The following CD46 variants were observed in gnomAD, a reference collection of about 807,000 sequenced individuals.
CD46 encodes the protein membrane cofactor protein.
In CD46, 30 loss-of-function variants were observed where a neutral mutation model predicts 53.3. The ratio of observed to expected loss-of-function variants is 0.56; its 90% CI spans 0.42 to 0.76. CD46 has a LOEUF of 0.76. Among genes scored for constraint, CD46 ranks in the 30% least tolerant of loss-of-function variants. The pLI, the probability that CD46 is intolerant of heterozygous loss-of-function variation, is 0.00. For synonymous variants in CD46, 142 were observed against 152.0 expected (o/e 0.93, Z 0.48); for missense variants, 409 against 463.0 (o/e 0.88, Z 1.07).
chr1:207,779,710 A>G (rs1278529655), intron 8 of CD46, among the ~76,000 whole-genome samples: 3 of 152,080 alleles, frequency 2.0e-5, no homozygotes, highest in African/African-American at 7.2e-5. Context: ...ATTCTGGTGT[A>G]TATAATGAGA....
At chr1:207,777,533 T>G (rs1329095299) in intron 8 of CD46, among the ~76,000 whole-genome samples, 1 of 152,160 alleles carries the variant, frequency 6.6e-6, no homozygotes, top group Non-Finnish European at 1.5e-5. Flanking sequence ...GTTTCCTTCT[T>G]TGTGTTCATT....
rs1656948038 is a variant in CD46 at position 207,767,132 on chromosome 1, A to G, written c.793A>G (p.Ser265Gly). ...ECDKGFYLDG[S>G]DTIVCDSNST... The stretch of plus-strand genomic sequence containing the variant: ...CGATAAGGGTTTTTACCTCGATGGC[A>G]GCGACACAATTGTCTGTGACAGTAA... Residue 265 changes from serine (S) to glycine (G), a missense_variant, in exon 6 of 13, where the codon AGC (serine) becomes GGC (glycine). Ser to Gly is a moderately conservative substitution (Grantham distance 56). Coordinates refer to ENST00000367042, the MANE Select transcript of CD46 (RefSeq NM_172351.3). 1 of 1,613,970 alleles carries G rather than the reference A, an allele frequency of 6.2e-7. No individual in the cohort carries two copies. The highest frequency in any genetic ancestry group is 8.5e-7 in the Non-Finnish European group (1 of 1,179,816).
chr1:207,780,671 C>T (rs933172758), intron 8 of CD46, among the ~76,000 whole-genome samples: 1 of 152,122 alleles, frequency 6.6e-6, no homozygotes, highest in African/African-American at 2.4e-5. Flanking sequence ...TTCCCACCAG[C>T]AGTGGGAACC....
At chr1:207,766,888 A>T (rs1656910924) in intron 5 of CD46, 125 bp from the exon 6 acceptor site, 2 of 731,488 alleles carry the variant, frequency 2.7e-6, no homozygotes, top group South Asian at 3.3e-5. Flanking sequence ...AAAGTCTTTT[A>T]AAAAATGTTT....
chr1:207,759,590 G>T, intron 3 of CD46, 49 bp from the exon 4 acceptor site: 1 of 989,918 alleles, frequency 1.0e-6, no homozygotes, highest in Non-Finnish European at 1.6e-6. Flanking sequence ...TATTATGTGT[G>T]TCTTATTAAT....
At chr1:207,773,220 T>C (rs534375153) in intron 8 of CD46, among the ~76,000 whole-genome samples, 12 of 152,334 alleles carry the variant, frequency 7.9e-5, no homozygotes, top group African/African-American at 2.9e-4. Context: ...TGGTAGTTTG[T>C]ATTTCTGTGG....
Position 207,759,683 on chromosome 1 carries a change from G to A in CD46, c.434G>A (p.Gly145Glu). The change falls in exon 4 of 13, where the codon GGA (glycine) becomes GAA (glutamate). Residue 145 changes from glycine (G) to glutamate (E), a missense_variant. By Grantham distance (98) the Gly-to-Glu change is moderately conservative (BLOSUM62 -2). Coordinates refer to ENST00000367042, the MANE Select transcript of CD46 (RefSeq NM_172351.3). The stretch of plus-strand genomic sequence containing the variant: ...GAAATTCTATATTGTGAACTTAAAG[G>A]ATCAGTAGCAATTTGGAGCGGTAAG... ...GEEILYCELK[G>E]SVAIWSGKPP... 6.2e-7 allele frequency: 1 copy of A among 1,606,580 alleles called. No homozygotes were observed. The highest frequency in any genetic ancestry group is 8.5e-7 in the Non-Finnish European group (1 of 1,173,456).
At chr1:207,762,095 T>A in intron 5 of CD46, among the ~76,000 whole-genome samples, 1 of 152,116 alleles carries the variant, frequency 6.6e-6, no homozygotes, top group East Asian at 1.9e-4. Flanking sequence ...CACAATAGAA[T>A]GAAAGCAGAA....
chr1:207,758,270 A>T (rs1349107468), intron 3 of CD46, among the ~76,000 whole-genome samples: 1 of 152,166 alleles, frequency 6.6e-6, no homozygotes, highest in Non-Finnish European at 1.5e-5. Context: ...ATAACAGAAT[A>T]CTTGAGGCTA....
chr1:207,757,131 C>A lies in CD46; in HGVS notation c.215C>A (p.Pro72His). The A allele has an allele frequency of 6.2e-7, 1 of 1,613,828 alleles. No individual in the cohort carries two copies. Among genetic ancestry groups the A allele is most frequent in the South Asian group, 1.1e-5 (1 of 91,076 alleles). ...YKCKKGYFYI[P>H]PLATHTICDR... The stretch of plus-strand genomic sequence containing the variant: ...TGTAAAAAAGGATACTTCTATATAC[C>A]TCCTCTTGCCACCCATACTATTTGT... Residue 72 changes from proline (P) to histidine (H), a missense_variant, in exon 2 of 13, where the codon CCT (proline) becomes CAT (histidine). Physicochemically the swap from Pro to His is moderately conservative, Grantham distance 77 (BLOSUM62 -2). Coordinates refer to ENST00000367042, the MANE Select transcript of CD46 (RefSeq NM_172351.3).
Position 207,756,254 on chromosome 1 carries a change from G to A in CD46, c.98-760G>A, listed in dbSNP as rs187473428. Among the ~76,000 whole-genome samples, 742 of 152,262 alleles carry A rather than the reference G, an allele frequency of 4.9e-3. 3 individuals are homozygous for A. Among genetic ancestry groups the A allele is most frequent in the Non-Finnish European group, 7.0e-3 (478 of 68,020 alleles). On this transcript the variant is annotated intron_variant, in intron 1 of 12. Coordinates refer to ENST00000367042, the MANE Select transcript of CD46 (RefSeq NM_172351.3). Reference sequence around the variant, plus strand: ...CAGTGTGGCAGAGTAGGGCAAAGGAGGCAAGAAAGAAGGAAGAGGATTAAA... The same window carrying A: ...CAGTGTGGCAGAGTAGGGCAAAGGAAGCAAGAAAGAAGGAAGAGGATTAAA...
chr1:207,780,048 T>G (rs754601034), intron 8 of CD46, among the ~76,000 whole-genome samples: 1 of 151,778 alleles, frequency 6.6e-6, no homozygotes, highest in Non-Finnish European at 1.5e-5. Flanking sequence ...TTGACCATTT[T>G]AAGTTTACAA....
At chr1:207,765,416 G>A (rs1656731606) in intron 5 of CD46, among the ~76,000 whole-genome samples, 1 of 152,026 alleles carries the variant, frequency 6.6e-6, no homozygotes, top group Admixed American at 6.6e-5. Flanking sequence ...GTACTTAGTG[G>A]TTAAAAAAAC....
At chr1:207,761,104 C>G (rs1656144167) in intron 4 of CD46, 145 bp from the exon 5 acceptor site, 2 of 610,156 alleles carry the variant, frequency 3.3e-6, no homozygotes, top group Admixed American at 5.8e-5. Context: ...TATATTTGCT[C>G]ATAGAAACCT....
Position 207,757,105 on chromosome 1 carries a change from G to A in CD46, c.189G>A (p.Lys63=). The part of the protein sequence containing the change: ...YYEIGERVDY[K]CKKGYFYIPP... ...AGATTGGTGAACGAGTAGATTATAAGTGTAAAAAAGGATACTTCTATATAC... is the reference window on the plus strand; with the variant it reads ...AGATTGGTGAACGAGTAGATTATAAATGTAAAAAAGGATACTTCTATATAC... Residue 63 remains lysine (K), a synonymous_variant, in exon 2 of 13, where the codon AAG becomes AAA. Transcript: ENST00000367042. The A allele has an allele frequency of 6.2e-7, 1 of 1,613,904 alleles. No homozygotes were observed. Among genetic ancestry groups the A allele is most frequent in the Admixed American group, 1.7e-5 (1 of 60,026 alleles).
intron 5 of CD46, among the ~76,000 whole-genome samples, chr1:207,763,701 T>C (rs535567203): frequency 3.7e-4 from 56 of 152,284 alleles, no homozygotes; most frequent in African/African-American, 1.3e-3. Flanking sequence ...GTATTTTTTT[T>C]CTGGAAACAT....
chr1:207,787,784 C>G (rs546961540), intron 11 of CD46, among the ~76,000 whole-genome samples: 6 of 152,290 alleles, frequency 3.9e-5, no homozygotes, highest in African/African-American at 1.4e-4. Flanking sequence ...AAGCTAGGCT[C>G]TCTTTATGGA....
In CD46 at chr1:207,752,396, A is replaced by G; in HGVS notation, c.97+87A>G. 2 of 1,251,900 alleles carry G rather than the reference A, an allele frequency of 1.6e-6. No homozygotes were observed. Among genetic ancestry groups the G allele is most frequent in the Non-Finnish European group, 2.3e-6 (2 of 855,466 alleles). The allele number at this position is 1,251,900 out of a possible 1,614,324, so 77.5% of individuals were successfully genotyped here. A position where few individuals can be genotyped will look rare whatever the true frequency, so the allele number is the denominator to read the frequency against. ...AGAGTCGCGGGGCGGGGCTCACAGC[A>G]GGCCGTGCCTGTTTGGGGACAGGGT... On this transcript the variant is annotated intron_variant, in intron 1 of 12. Coordinates refer to ENST00000367042, the MANE Select transcript of CD46 (RefSeq NM_172351.3). This position sits in a 1 kb window ranked among gnomAD's most constrained non-coding sequence, Gnocchi z 4.1.
intron 3 of CD46, among the ~76,000 whole-genome samples, chr1:207,758,157 C>T (rs951949366): frequency 1.3e-5 from 2 of 152,062 alleles, no homozygotes; most frequent in Non-Finnish European, 2.9e-5. Context: ...ACTGAGCCCT[C>T]GGTAATAGCC....
Sources: allele counts gnomAD v4.1 joint callset (sites outside exome capture counted in the v4.1 genomes callset), GRCh38; gene constraint gnomAD v4.1.1; non-coding constraint Gnocchi (gnomAD v3.1); transcripts MANE v1.5; gene names NCBI Gene and HGNC (gene_info 2026-07-23, HGNC 2026-07-21).